The following TAS2R1 variants were observed in gnomAD, a reference collection of about 807,000 sequenced individuals.
TAS2R1 encodes the protein taste 2 receptor member 1, also known as taste receptor type 2 member 1.
For synonymous variants in TAS2R1, 141 were observed against 134.2 expected, an observed-to-expected ratio of 1.05 and a Z score of -0.35; for missense variants, 370 against 353.4, an observed-to-expected ratio of 1.05 and a Z score of -0.38.
At chr5:9,814,775 A>T in the TAS2R1 span, among the ~76,000 whole-genome samples, 2 of 152,198 alleles carry the variant, frequency 1.3e-5, no homozygotes, top group Admixed American at 1.3e-4. Flanking sequence ...AGAAAAAAAA[A>T]GTGTATGACT....
the TAS2R1 span, among the ~76,000 whole-genome samples, chr5:9,861,037 G>GTTTTTTTTTTTTTTTTTTTTTTTTTTT: frequency 1.9e-3 from 167 of 88,534 alleles, 16 homozygotes; most frequent in Middle Eastern, 7.5e-3. Context: ...GGAAGATGAG[G>GTTTTTTTTTTTTTTTTTTTTTTTTTTT]TTTTTTTTTT....
chr5:9,627,886 T>C lies in TAS2R1; in HGVS notation c.*1247A>G, dbSNP rs1739784406. On this transcript the variant is annotated 3_prime_UTR_variant, in exon 1 of 1. Coordinates refer to ENST00000382492, the MANE Select transcript of TAS2R1 (RefSeq NM_019599.3). ...AAGATAAGTACGTCCCTGAATCTCC[T>C]GAAGCAAAATCCTTCATTGGTGTAT... Among the ~76,000 whole-genome samples the C allele has an allele frequency of 6.6e-6, 1 of 152,188 alleles. No individual in the cohort carries two copies. The highest frequency in any genetic ancestry group is 6.5e-5 in the Admixed American group (1 of 15,280).
At chr5:9,876,681 C>A in the TAS2R1 span, among the ~76,000 whole-genome samples, 3 of 152,092 alleles carry the variant, frequency 2.0e-5, no homozygotes, top group African/African-American at 7.2e-5. Flanking sequence ...ATGGAAAGAG[C>A]TAACCTAAAA....
the TAS2R1 span, among the ~76,000 whole-genome samples, chr5:9,852,725 TG>T: frequency 1.3e-5 from 2 of 152,196 alleles, no homozygotes; most frequent in Admixed American, 1.3e-4. Context: ...TGAGGATACG[TG>T]GGTTCATTCA....
the TAS2R1 span, among the ~76,000 whole-genome samples, chr5:9,718,035 C>G: frequency 6.6e-6 from 1 of 152,178 alleles, no homozygotes; most frequent in Non-Finnish European, 1.5e-5. Flanking sequence ...TCTCGGCTCA[C>G]TGCAACCTCT....
At chr5:9,649,840 G>T (rs543355127) in intron 2 of TAS2R1, among the ~76,000 whole-genome samples, 4 of 152,226 alleles carry the variant, frequency 2.6e-5, no homozygotes, top group African/African-American at 7.2e-5. Context: ...TCTGTCATTT[G>T]GGGGAAAAGG....
intron 2 of TAS2R1, among the ~76,000 whole-genome samples, chr5:9,635,955 T>A (rs1197217781): frequency 6.6e-6 from 1 of 152,098 alleles, no homozygotes; most frequent in Non-Finnish European, 1.5e-5. Flanking sequence ...CTGATATTTG[T>A]TATTTCTTTT....
chr5:9,809,671 C>T, the TAS2R1 span, among the ~76,000 whole-genome samples: 1 of 152,174 alleles, frequency 6.6e-6, no homozygotes, highest in African/African-American at 2.4e-5. Flanking sequence ...AGGTCCTCTC[C>T]ACTTTTCACT....
intron 1 of TAS2R1, among the ~76,000 whole-genome samples, chr5:9,677,770 C>G (rs964364245): frequency 1.3e-5 from 2 of 152,168 alleles, no homozygotes; most frequent in African/African-American, 4.8e-5. Context: ...TCGACAGTTC[C>G]TCACAAAGCT....
chr5:9,795,326 C>CT, the TAS2R1 span, among the ~76,000 whole-genome samples: 2 of 152,118 alleles, frequency 1.3e-5, no homozygotes, highest in African/African-American at 2.4e-5. Context: ...TTCTAGGAGA[C>CT]TTTTTCCCCT....
At chr5:9,831,115 C>G in the TAS2R1 span, among the ~76,000 whole-genome samples, 1 of 152,170 alleles carries the variant, frequency 6.6e-6, no homozygotes, top group Non-Finnish European at 1.5e-5. Context: ...CACTAACAAG[C>G]ATAATATAAT....
chr5:9,900,431 T>C, the TAS2R1 span, among the ~76,000 whole-genome samples: 1 of 152,212 alleles, frequency 6.6e-6, no homozygotes, highest in Non-Finnish European at 1.5e-5. Context: ...TAAATGTTCA[T>C]GCTTGAAAAT....
the TAS2R1 span, among the ~76,000 whole-genome samples, chr5:9,892,430 A>G: frequency 6.6e-6 from 1 of 152,082 alleles, no homozygotes; most frequent in African/African-American, 2.4e-5. Context: ...CAATTACATC[A>G]TTTTAAGGCC....
chr5:9,886,205 G>T, the TAS2R1 span, among the ~76,000 whole-genome samples: 1 of 151,570 alleles, frequency 6.6e-6, no homozygotes, highest in Non-Finnish European at 1.5e-5. Flanking sequence ...CTAATTTTTT[G>T]TATTTTAGTA....
At chr5:9,633,294 T>TTATATATA (rs200096603), upstream of TAS2R1, among the ~76,000 whole-genome samples, 459 of 67,790 alleles carry the variant, frequency 6.8e-3, 17 homozygotes, top group African/African-American at 0.014. Context: ...TGTGTGTATA[T>TTATATATA]TATATATATA....
intron 1 of TAS2R1, among the ~76,000 whole-genome samples, chr5:9,691,112 G>A (rs1741242057): frequency 6.6e-6 from 1 of 152,162 alleles, no homozygotes; most frequent in Non-Finnish European, 1.5e-5. Context: ...ATGTAATTAA[G>A]TTAAAGATCT....
At chr5:9,802,513 G>A in the TAS2R1 span, among the ~76,000 whole-genome samples, 3 of 152,120 alleles carry the variant, frequency 2.0e-5, no homozygotes, top group African/African-American at 7.2e-5. Context: ...ATATGACAAA[G>A]CACTGTTCTT....
chr5:9,781,834 A>G, the TAS2R1 span, among the ~76,000 whole-genome samples: 24 of 152,016 alleles, frequency 1.6e-4, no homozygotes, highest in Non-Finnish European at 3.2e-4. Context: ...CAGCCTCTCC[A>G]TCCATCATCC....
upstream of TAS2R1, among the ~76,000 whole-genome samples, chr5:9,712,719 T>A (rs935249962): frequency 6.6e-6 from 1 of 152,218 alleles, no homozygotes; most frequent in Non-Finnish European, 1.5e-5. Flanking sequence ...TAAATAAATG[T>A]GTCTAGCACG....
Sources: allele counts gnomAD v4.1 joint callset (sites outside exome capture counted in the v4.1 genomes callset), GRCh38; gene constraint gnomAD v4.1.1; transcripts MANE v1.5; gene names NCBI Gene and HGNC (gene_info 2026-07-23, HGNC 2026-07-21).